KIAA1958: variants seen among roughly 807,000 people sequenced by gnomAD.
KIAA1958 encodes the protein KIAA1958, also known as uncharacterized protein KIAA1958.
In KIAA1958, 14 loss-of-function variants were observed where a neutral mutation model predicts 47.2. The ratio of observed to expected loss-of-function variants is 0.30; its 90% CI spans 0.20 to 0.46. The LOEUF (loss-of-function observed/expected upper bound fraction) is 0.46, where lower values mean the gene tolerates loss of function less well. Ranked by LOEUF, KIAA1958 falls within the 20% of genes least tolerant of loss-of-function variation. The pLI is 1.00. For missense variants in KIAA1958, 803 were observed against 909.2 expected (o/e 0.88, Z 1.50); for synonymous variants, 354 against 353.3 (o/e 1.00, Z -0.02).
At chr9:112,528,322 C>T (rs1354046761) in intron 1 of KIAA1958, among the ~76,000 whole-genome samples, 1 of 152,188 alleles carries the variant, frequency 6.6e-6, no homozygotes, top group Non-Finnish European at 1.5e-5. Flanking sequence ...CCCTCCACCT[C>T]AGTCATTTGG....
chr9:112,631,663 CAG>C lies in KIAA1958; in HGVS notation c.1172-13985_1172-13984del, dbSNP rs557771610. On this transcript the variant is annotated intron_variant, in intron 2 of 3. Transcript: ENST00000337530. ...TAATTGATAAATAGTAATATCAAAT[CAG>C]AAATAAAAATTACAGGACTCATTAC... 8.6e-4 allele frequency among the ~76,000 whole-genome samples: 130 copies of C among 151,504 alleles called. 1 individual carries two copies. The highest frequency in any genetic ancestry group is 6.9e-3 in the Middle Eastern group (2 of 290).
intron 3 of KIAA1958, among the ~76,000 whole-genome samples, chr9:112,650,535 A>T (rs1837040068): frequency 6.6e-6 from 1 of 152,158 alleles, no homozygotes; most frequent in Non-Finnish European, 1.5e-5. Context: ...TGCAAATCTT[A>T]GAGCAAGACT....
chr9:112,547,321 T>C (rs1044630628), intron 1 of KIAA1958, among the ~76,000 whole-genome samples: 27 of 142,378 alleles, frequency 1.9e-4, no homozygotes, highest in Middle Eastern at 3.9e-3. Flanking sequence ...GAGGTTGCAG[T>C]GAGCCACAGT....
intron 1 of KIAA1958, among the ~76,000 whole-genome samples, chr9:112,561,414 T>C (rs975175370): frequency 1.3e-5 from 2 of 152,204 alleles, no homozygotes; most frequent in Non-Finnish European, 2.9e-5. Context: ...ATTAGTTCTT[T>C]GTTTCTTCCT....
chr9:112,515,896 A>T (rs1338149171), intron 1 of KIAA1958, among the ~76,000 whole-genome samples: 2 of 137,454 alleles, frequency 1.5e-5, no homozygotes, highest in African/African-American at 5.9e-5. Flanking sequence ...AAATAAATTA[A>T]AAAAAAAAAA....
rs1728513023 is a variant in KIAA1958, at chr9:112,665,178, T to A, written c.*5109T>A. On this transcript the variant is annotated 3_prime_UTR_variant, in exon 4 of 4. Coordinates refer to ENST00000337530, the MANE Select transcript of KIAA1958 (RefSeq NM_133465.4). ...AATTAGATAACTCTCCCTCCCCCCA[T>A]TGAGGTGAGAATGGGCTCCTAGATA... The A allele has an allele frequency of 6.6e-6, 1 of 152,168 alleles. No individual in the cohort carries two copies. The highest frequency in any genetic ancestry group is 1.5e-5 in the Non-Finnish European group (1 of 68,006). 9.4% of individuals were successfully genotyped at this position (152,168 alleles called of 1,614,324 possible). A position where few individuals can be genotyped will look rare whatever the true frequency, so the allele number is the denominator to read the frequency against.
chr9:112,623,914 C>T (rs1836555062), intron 2 of KIAA1958, among the ~76,000 whole-genome samples: 1 of 152,138 alleles, frequency 6.6e-6, no homozygotes, highest in African/African-American at 2.4e-5. Flanking sequence ...CGACTATCTG[C>T]AGTTTAATGT....
At chr9:112,519,025 G>A (rs560485519) in intron 1 of KIAA1958, among the ~76,000 whole-genome samples, 7 of 152,112 alleles carry the variant, frequency 4.6e-5, no homozygotes, top group Non-Finnish European at 8.8e-5. Flanking sequence ...GAACTCCTGG[G>A]CTCAAGCAAT....
At chr9:112,634,611 A>G (rs182972618) in intron 2 of KIAA1958, among the ~76,000 whole-genome samples, 45 of 152,236 alleles carry the variant, frequency 3.0e-4, no homozygotes, top group South Asian at 6.2e-4. Flanking sequence ...TCGAGGGTAC[A>G]TGGGCAGGTT....
At chr9:112,591,061 G>C (rs566638144) in intron 2 of KIAA1958, among the ~76,000 whole-genome samples, 1 of 152,234 alleles carries the variant, frequency 6.6e-6, no homozygotes, top group South Asian at 2.1e-4. Context: ...GCATTGAAAT[G>C]CTGGATTTAC....
At chr9:112,500,046 A>G (rs1446860402) in intron 1 of KIAA1958, among the ~76,000 whole-genome samples, 1 of 151,988 alleles carries the variant, frequency 6.6e-6, no homozygotes, top group Non-Finnish European at 1.5e-5. Context: ...TAAAATCTGC[A>G]CTTTCCATTA....
Position 112,574,106 on chromosome 9 carries a change from C to T in KIAA1958, c.26C>T (p.Ser9Phe), listed in dbSNP as rs1458211380. Residue 9 changes from serine to phenylalanine, a missense_variant, in exon 2 of 4, where the codon TCT becomes TTT. Ser to Phe is a radical substitution (Grantham distance 155, BLOSUM62 -2). Around this residue, in one of 2 missense-constraint regions of KIAA1958, gnomAD observed 42 missense variants for 79.9 expected, o/e 0.53. Transcript: ENST00000337530. Reference protein sequence around the residue: MEDCLHTSSENLSKLVSWA... With the variant: MEDCLHTSFENLSKLVSWA... ...ATGGAGGATTGTCTTCATACCTCAT[C>T]TGAGAATCTGTCCAAATTGGTCAGC... 6.2e-7 allele frequency: 1 copy of T among 1,601,738 alleles called. No individual in the cohort carries two copies. The highest frequency in any genetic ancestry group is 1.3e-5 in the African/African-American group (1 of 74,706).
intron 2 of KIAA1958, among the ~76,000 whole-genome samples, chr9:112,613,177 C>A (rs1384365836): frequency 1.3e-5 from 2 of 152,098 alleles, no homozygotes; most frequent in Non-Finnish European, 2.9e-5. Flanking sequence ...ACTCTATACC[C>A]ATTTGTAGCT....
chr9:112,635,218 GTGTGTGT>G (rs1564197263), intron 2 of KIAA1958, among the ~76,000 whole-genome samples: 1,507 of 19,202 alleles, frequency 0.078, 12 homozygotes, highest in Non-Finnish European at 0.24. Flanking sequence ...TTTATTTTGT[GTGTGTGT>G]GTGTGTGTGT....
intron 1 of KIAA1958, among the ~76,000 whole-genome samples, chr9:112,525,941 T>G (rs181857182): frequency 7.8e-5 from 1 of 12,854 alleles, no homozygotes; most frequent in Non-Finnish European, 1.2e-4. Flanking sequence ...TTCTTCTTCT[T>G]CTTCTTCTTC....
At position 112,661,402 on chromosome 9, in the gene KIAA1958, T is replaced by C. The variant is rs1335002948; in HGVS notation, c.*1333T>C. 1 of 152,172 alleles carries C rather than the reference T, an allele frequency of 6.6e-6. No homozygotes were observed. The highest frequency in any genetic ancestry group is 1.9e-4 in the East Asian group (1 of 5,204). The allele number at this position is 152,172 out of a possible 1,614,324, so 9.4% of individuals were successfully genotyped here. Reference sequence around the variant, plus strand: ...GCTCATTAAGAGTAACAATAATTTCTAGGGACCTTGACTTTGCATTTGAGG... The same window carrying C: ...GCTCATTAAGAGTAACAATAATTTCCAGGGACCTTGACTTTGCATTTGAGG... On this transcript the variant is annotated 3_prime_UTR_variant, in exon 4 of 4. Transcript: ENST00000337530.
chr9:112,517,298 A>G (rs1435374925), intron 1 of KIAA1958, among the ~76,000 whole-genome samples: 2 of 152,220 alleles, frequency 1.3e-5, no homozygotes, highest in Non-Finnish European at 2.9e-5. Flanking sequence ...AAAAAGGATA[A>G]TCTTTTCAAC....
Position 112,487,504 on chromosome 9 carries a change from G to A in KIAA1958, c.-25+386G>A, listed in dbSNP as rs555793160. Among the ~76,000 whole-genome samples the A allele has an allele frequency of 5.3e-5, 8 of 152,270 alleles. No homozygotes were observed. The South Asian group carries it at 1.7e-3, about 32-fold the overall frequency. On this transcript the variant is annotated intron_variant, in intron 1 of 3. Transcript: ENST00000337530. ...TCTGTCGGAGGTGGGAAGGAGGGCG[G>A]GAAGGAGGAGGAAAAGGTCTGTCCT...
intron 2 of KIAA1958, among the ~76,000 whole-genome samples, chr9:112,631,373 A>T (rs913114524): frequency 2.0e-5 from 3 of 151,982 alleles, no homozygotes; most frequent in Non-Finnish European, 4.4e-5. Context: ...CAAAAATTTT[A>T]AAATTAGTCT....
Sources: gnomAD v4.1 joint callset for allele counts (sites outside exome capture counted in the v4.1 genomes callset) on GRCh38, gnomAD v4.1.1 for gene constraint, gnomAD v4.1.1 regional missense constraint, MANE v1.5 for transcripts, NCBI Gene and HGNC (gene_info 2026-07-23, HGNC 2026-07-21) for gene names.